RALGPS1: variants seen among roughly 807,000 people sequenced by gnomAD.
The protein encoded by RALGPS1 is Ral GEF with PH domain and SH3 binding motif 1.
In RALGPS1, 19 loss-of-function variants were observed where a neutral mutation model predicts 78.8. The observed-to-expected ratio is 0.24, with a 90% confidence interval of 0.17 to 0.35. The LOEUF (loss-of-function observed/expected upper bound fraction) is 0.35, where lower values mean the gene tolerates loss of function less well. Ranked by LOEUF, RALGPS1 falls within the 10% of genes least tolerant of loss-of-function variation. The pLI is 1.00. For synonymous variants in RALGPS1, 228 were observed against 256.3 expected (o/e 0.89, Z 1.06); for missense variants, 454 against 688.3 (o/e 0.66, Z 3.81).
chr9:127,154,677 A>G (rs901671637), intron 8 of RALGPS1, among the ~76,000 whole-genome samples: 1 of 152,218 alleles, frequency 6.6e-6, no homozygotes, highest in Non-Finnish European at 1.5e-5. Context: ...CCATTGAGTA[A>G]TGAGTAAAGC....
intron 1 of RALGPS1, among the ~76,000 whole-genome samples, 171 bp from the exon 2 acceptor site, chr9:126,962,054 G>A (rs2038942957): frequency 3.3e-5 from 5 of 152,128 alleles, no homozygotes; most frequent in Admixed American, 1.3e-4. Flanking sequence ...CCCTGTACAA[G>A]CCCATCAAAC....
At chr9:127,166,347 CT>C in intron 9 of RALGPS1, 141 bp downstream of exon 9, 1 of 983,736 alleles carries the variant, frequency 1.0e-6, no homozygotes, top group Non-Finnish European at 1.5e-6. Context: ...GTACTAGATC[CT>C]TTTATACATA....
chr9:127,218,829 G>A lies in RALGPS1; in HGVS notation c.*60G>A. 1 of 1,551,200 alleles carries A rather than the reference G, an allele frequency of 6.4e-7. No individual in the cohort carries two copies. Among genetic ancestry groups the A allele is most frequent in the Non-Finnish European group, 8.9e-7 (1 of 1,122,732 alleles). ...CTGGGAACCCAGGCTGGGCCTGGTG[G>A]TGAAGAGCAGTCCTGGGCACAGGCT... On this transcript the variant is annotated 3_prime_UTR_variant, in exon 19 of 19. Transcript: ENST00000259351. The surrounding 1 kb of genome is among the most constrained non-coding windows in gnomAD (Gnocchi z 4.4).
At chr9:127,144,293 G>A (rs1163894627) in intron 8 of RALGPS1, among the ~76,000 whole-genome samples, 1 of 152,190 alleles carries the variant, frequency 6.6e-6, no homozygotes, top group East Asian at 1.9e-4. Context: ...GGCCCTCATG[G>A]ACGATTCGTG....
At chr9:127,199,946 T>C (rs926906607) in intron 14 of RALGPS1, among the ~76,000 whole-genome samples, 1 of 152,056 alleles carries the variant, frequency 6.6e-6, no homozygotes, top group East Asian at 1.9e-4. Flanking sequence ...ACACATGCCC[T>C]ACACACACAT....
At position 127,219,449 on chromosome 9, in the gene RALGPS1, T is replaced by G. The variant is rs1200263489; in HGVS notation, c.*680T>G. 6.5e-6 allele frequency: 1 copy of G among 152,980 alleles called. No homozygotes were observed. The highest frequency in any genetic ancestry group is 2.4e-5 in the African/African-American group (1 of 41,466). The allele number at this position is 152,980 out of a possible 1,614,324, so 9.5% of individuals were successfully genotyped here. A position where few individuals can be genotyped will look rare whatever the true frequency, so the allele number is the denominator to read the frequency against. On this transcript the variant is annotated 3_prime_UTR_variant, in exon 19 of 19. Transcript: ENST00000259351. This position sits in a 1 kb window ranked among gnomAD's most constrained non-coding sequence, Gnocchi z 5.0. ...TCAAGGGTCCCTCGCATTCTTTTAC[T>G]GTAAACAAACAATGCCTTAAATTGT...
intron 8 of RALGPS1, chr9:127,108,839 C>A (rs1370364409): frequency 2.5e-6 from 3 of 1,216,856 alleles, no homozygotes; most frequent in Non-Finnish European, 3.4e-6. Flanking sequence ...TGCCCTGTGC[C>A]ATCAGTGATC....
At chr9:127,028,985 G>C (rs1032237238) in intron 4 of RALGPS1, among the ~76,000 whole-genome samples, 2 of 152,016 alleles carry the variant, frequency 1.3e-5, no homozygotes, top group Non-Finnish European at 2.9e-5. Context: ...TCCCAGGTGG[G>C]TAGCTTTCAT....
chr9:127,032,373 G>GCA lies in RALGPS1; in HGVS notation c.217-2039_217-2038dup, dbSNP rs35466028. ...AATTCACTCATGCACATGTGCGTGTGCACACACACACACACACACATGACT... is the reference window on the plus strand; with the variant it reads ...AATTCACTCATGCACATGTGCGTGTGCACACACACACACACACACACATGACT... On this transcript the variant is annotated intron_variant, in intron 4 of 18. Transcript: ENST00000259351. Among the ~76,000 whole-genome samples, 558 of 151,116 alleles carry GCA rather than the reference G, an allele frequency of 3.7e-3. 2 individuals carry two copies. The highest frequency in any genetic ancestry group is 6.0e-3 in the Admixed American group (91 of 15,194).
chr9:127,078,393 G>GA (rs1388958313), intron 8 of RALGPS1, among the ~76,000 whole-genome samples: 4 of 151,892 alleles, frequency 2.6e-5, no homozygotes, highest in African/African-American at 4.8e-5. Flanking sequence ...TATGAATGAA[G>GA]AAAAAAAACA....
intron 4 of RALGPS1, among the ~76,000 whole-genome samples, chr9:127,002,347 T>C (rs1358932894): frequency 6.6e-6 from 1 of 152,084 alleles, no homozygotes; most frequent in Non-Finnish European, 1.5e-5. Context: ...TATGAGTAGA[T>C]CATATTTTAT....
rs114530527 is a variant in RALGPS1, at chr9:127,044,897, A to G, written c.301-5146A>G. ...CCTCCTGAATCATTATTGTTGGTTT[A>G]TTACAAAGCAAAGAAAATGTTCTTG... On this transcript the variant is annotated intron_variant, in intron 5 of 18. Transcript: ENST00000259351. Among the ~76,000 whole-genome samples, 462 of 152,288 alleles carry G rather than the reference A, an allele frequency of 3.0e-3. 2 individuals carry two copies. The highest frequency in any genetic ancestry group is 0.01 in the African/African-American group (434 of 41,556).
chr9:127,031,463 C>T (rs931677927), intron 4 of RALGPS1, among the ~76,000 whole-genome samples: 16 of 152,360 alleles, frequency 1.1e-4, no homozygotes, highest in African/African-American at 3.8e-4. Context: ...GAGGAGTGCT[C>T]ATGCTTCATT....
intron 7 of RALGPS1, among the ~76,000 whole-genome samples, chr9:127,063,686 T>G (rs535571984): frequency 6.6e-6 from 1 of 152,346 alleles, no homozygotes; most frequent in South Asian, 2.1e-4. Flanking sequence ...GAATATTTAG[T>G]TCATTTATAT....
chr9:126,951,007 AT>A lies in RALGPS1; in HGVS notation c.-65-11217del, dbSNP rs528133763. 2.5e-3 allele frequency among the ~76,000 whole-genome samples: 380 copies of A among 152,396 alleles called. 6 individuals are homozygous for A. The South Asian group carries it at 0.026, about 10-fold the overall frequency. On this transcript the variant is annotated intron_variant, in intron 1 of 18. Transcript: ENST00000259351. ...GGATATCACCATTGATCCCACAGAA[AT>A]ACAAGCTACCATCAGAGAATACAAC...
intron 4 of RALGPS1, among the ~76,000 whole-genome samples, chr9:127,012,791 C>G (rs1395844392): frequency 6.6e-6 from 1 of 152,172 alleles, no homozygotes; most frequent in Non-Finnish European, 1.5e-5. Context: ...CTTAGGCATT[C>G]CTGGGGTCTG....
intron 3 of RALGPS1, among the ~76,000 whole-genome samples, chr9:126,973,117 C>T (rs1434229930): frequency 2.0e-5 from 3 of 152,104 alleles, no homozygotes; most frequent in African/African-American, 7.2e-5. Context: ...TCTGTAATCC[C>T]AGCACTTTGG....
At chr9:127,102,180 T>C (rs1046642893) in intron 8 of RALGPS1, among the ~76,000 whole-genome samples, 9 of 152,204 alleles carry the variant, frequency 5.9e-5, no homozygotes, top group African/African-American at 1.9e-4. Flanking sequence ...TTTACAAGAC[T>C]GAACATAGTC....
intron 4 of RALGPS1, among the ~76,000 whole-genome samples, chr9:127,000,109 G>C (rs984283328): frequency 6.6e-6 from 1 of 151,776 alleles, no homozygotes; most frequent in Non-Finnish European, 1.5e-5. Context: ...TTTTTCCCCT[G>C]GTCAGTCCAG....
Sources: gnomAD v4.1 joint callset for allele counts (sites outside exome capture counted in the v4.1 genomes callset) on GRCh38, gnomAD v4.1.1 for gene constraint, Gnocchi (gnomAD v3.1) non-coding constraint, MANE v1.5 for transcripts, NCBI Gene and HGNC (gene_info 2026-07-23, HGNC 2026-07-21) for gene names.